WNT9B: variants seen among roughly 807,000 people sequenced by gnomAD.
WNT9B encodes the protein protein Wnt-9b.
In WNT9B, 12 loss-of-function variants were observed where a neutral mutation model predicts 30.2. That is an observed-to-expected ratio of 0.40 (90% CI 0.26 to 0.64). The LOEUF is 0.64. Among genes scored for constraint, WNT9B ranks in the 30% least tolerant of loss-of-function variants. WNT9B has a pLI of 0.42. For missense variants in WNT9B, 442 were observed against 485.2 expected (o/e 0.91, Z 0.84); for synonymous variants, 218 against 216.9 (o/e 1.01, Z -0.05).
At chr17:46,837,185 C>T (rs2084643163) in intron 1 of WNT9B, among the ~76,000 whole-genome samples, 1 of 152,200 alleles carries the variant, frequency 6.6e-6, no homozygotes, top group African/African-American at 2.4e-5. Context: ...TCGTGATCTG[C>T]CCGCCGCGGC....
At chr17:46,873,130 ACACG>A (rs1169794601) in intron 2 of WNT9B, among the ~76,000 whole-genome samples, 3 of 142,512 alleles carry the variant, frequency 2.1e-5, no homozygotes, top group African/African-American at 7.8e-5. Context: ...ACACACACAC[ACACG>A]AAACAAGGCA....
rs1043741539 is a variant in WNT9B, at chr17:46,851,760, C to G, written c.77+45C>G. 6 of 1,026,090 alleles carry G rather than the reference C, an allele frequency of 5.8e-6. No individual in the cohort carries two copies. In the African/African-American group the frequency reaches 8.3e-5, roughly 14 times the overall value. 63.6% of individuals were successfully genotyped at this position (1,026,090 alleles called of 1,614,324 possible). A position where few individuals can be genotyped will look rare whatever the true frequency, so the allele number is the denominator to read the frequency against. On this transcript the variant is annotated intron_variant, in intron 1 of 3. Transcript: ENST00000290015. The surrounding 1 kb of genome is among the most constrained non-coding windows in gnomAD (Gnocchi z 4.3). ...CCCGCCCGCTCCCCGGCCTGCCTGT[C>G]TCTCCCTCCTGCGCTACAGCTGGGC...
exon 1 of WNT9B, chr17:46,833,286 C>A (rs2084579246): frequency 2.1e-6 from 1 of 480,258 alleles, no homozygotes; most frequent in Non-Finnish European, 4.2e-6. Flanking sequence ...GCTCCTTCCA[C>A]AAGTTCTAAC....
chr17:46,866,195 G>A (rs368751062), intron 1 of WNT9B, among the ~76,000 whole-genome samples: 17 of 152,202 alleles, frequency 1.1e-4, no homozygotes, highest in Middle Eastern at 6.8e-3. Flanking sequence ...GGAGGGGAGA[G>A]AAGCCTGGAG....
chr17:46,868,700 A>AC (rs1163927289), intron 1 of WNT9B, among the ~76,000 whole-genome samples: 1 of 152,182 alleles, frequency 6.6e-6, no homozygotes, highest in African/African-American at 2.4e-5. Context: ...TGTCCATCTT[A>AC]CCCCCTTGGC....
rs188537752 is a variant in WNT9B at position 46,841,033 on chromosome 17, G to T, written c.95+7593G>T. ...GTCATCACCATGGAACGCCTTTCCCGATGCTACTTCCAACAGGAGGCAGAG... is the reference window on the plus strand; with the variant it reads ...GTCATCACCATGGAACGCCTTTCCCTATGCTACTTCCAACAGGAGGCAGAG... On this transcript the variant is annotated intron_variant, in intron 1 of 2. Transcript: ENST00000575372. Among the ~76,000 whole-genome samples the T allele has an allele frequency of 2.6e-4, 40 of 152,236 alleles. 2 individuals carry two copies. The highest frequency in any genetic ancestry group is 2.4e-3 in the Admixed American group (36 of 15,290).
intron 1 of WNT9B, among the ~76,000 whole-genome samples, chr17:46,864,959 GT>G (rs1452711909): frequency 1.3e-5 from 2 of 152,182 alleles, no homozygotes; most frequent in African/African-American, 2.4e-5. Flanking sequence ...ACGTATAATG[GT>G]TTGAATGGTG....
At chr17:46,842,101 C>T (rs1357548997) in intron 1 of WNT9B, among the ~76,000 whole-genome samples, 1 of 152,226 alleles carries the variant, frequency 6.6e-6, no homozygotes, top group African/African-American at 2.4e-5. Flanking sequence ...CCACCACTTG[C>T]CTTCTCACAC....
intron 1 of WNT9B, among the ~76,000 whole-genome samples, chr17:46,840,322 A>G (rs1028784649): frequency 2.0e-5 from 3 of 152,006 alleles, no homozygotes; most frequent in South Asian, 2.1e-4. Context: ...TCCTGACCTC[A>G]TGATCCACCC....
At chr17:46,874,605 T>A (rs1000306087) in intron 2 of WNT9B, among the ~76,000 whole-genome samples, 1 of 152,224 alleles carries the variant, frequency 6.6e-6, no homozygotes, top group Admixed American at 6.5e-5. Context: ...TGAGACAAGG[T>A]CTCCCTCTGT....
intron 1 of WNT9B, among the ~76,000 whole-genome samples, chr17:46,834,302 C>T (rs2084596473): frequency 6.6e-6 from 1 of 152,172 alleles, no homozygotes; most frequent in African/African-American, 2.4e-5. Flanking sequence ...GTGTCCTGGG[C>T]AGTGGCTGGA....
intron 1 of WNT9B, among the ~76,000 whole-genome samples, chr17:46,867,738 G>A (rs1254730494): frequency 6.6e-6 from 1 of 152,220 alleles, no homozygotes; most frequent in Admixed American, 6.5e-5. Flanking sequence ...TGGGGAAGGA[G>A]GTTCCAGGAG....
chr17:46,884,393 C>T (rs1481020510), downstream of WNT9B, among the ~76,000 whole-genome samples: 1 of 152,212 alleles, frequency 6.6e-6, no homozygotes, highest in Non-Finnish European at 1.5e-5. Flanking sequence ...AGCCCCCTCT[C>T]CAAGTTCAGG....
At chr17:46,861,242 T>C (rs1227310476) in intron 1 of WNT9B, among the ~76,000 whole-genome samples, 1 of 152,220 alleles carries the variant, frequency 6.6e-6, no homozygotes, top group African/African-American at 2.4e-5. Flanking sequence ...CTTGGCTCAT[T>C]AGCTAATTTT....
chr17:46,850,845 G>T (rs1260095630), upstream of WNT9B, among the ~76,000 whole-genome samples: 2 of 151,614 alleles, frequency 1.3e-5, no homozygotes, highest in Non-Finnish European at 2.9e-5. Context: ...CCCTCCTCCC[G>T]CAGGGCTCTG....
upstream of WNT9B, chr17:46,851,581 G>C: frequency 1.0e-6 from 1 of 992,796 alleles, no homozygotes. The surrounding 1 kb of genome is among the most constrained non-coding windows in gnomAD (Gnocchi z 4.3). Context: ...GGGTGGTGGC[G>C]GAGCTGCGAG....
intron 1 of WNT9B, among the ~76,000 whole-genome samples, chr17:46,836,468 A>G (rs1339241707): frequency 6.6e-6 from 1 of 152,128 alleles, no homozygotes; most frequent in Non-Finnish European, 1.5e-5. Flanking sequence ...CACTTTGAAT[A>G]TCTTTGTGTT....
intron 1 of WNT9B, among the ~76,000 whole-genome samples, chr17:46,855,135 C>T (rs181375856): frequency 3.0e-4 from 45 of 152,300 alleles, no homozygotes; most frequent in Admixed American, 2.8e-3. Context: ...ACCCTGCTTC[C>T]AGTCTGGGCC....
At position 46,875,253 on chromosome 17, in the gene WNT9B, G is replaced by A. The variant is rs772815552; in HGVS notation, c.487G>A (p.Gly163Ser). The part of the protein sequence containing the change: ...SRQAWQWGVC[G>S]DNLKYSTKFL... ...GCAGGCCTGGCAGTGGGGCGTGTGC[G>A]GTGACAACCTCAAGTACAGCACCAA... The change falls in exon 3 of 4, where the codon GGT becomes AGT. Residue 163 changes from glycine (G) to serine (S), a missense_variant. By Grantham distance (56) the Gly-to-Ser change is moderately conservative. Transcript: ENST00000290015. 1.5e-5 allele frequency: 24 copies of A among 1,614,190 alleles called. No individual in the cohort carries two copies. Among genetic ancestry groups the A allele is most frequent in the South Asian group, 3.3e-5 (3 of 91,088 alleles).
Sources: gnomAD v4.1 joint callset for allele counts (sites outside exome capture counted in the v4.1 genomes callset) on GRCh38, gnomAD v4.1.1 for gene constraint, Gnocchi (gnomAD v3.1) non-coding constraint, MANE v1.5 for transcripts, NCBI Gene and HGNC (gene_info 2026-07-23, HGNC 2026-07-21) for gene names.